NOP9: variants seen among roughly 807,000 people sequenced by gnomAD.
NOP9 encodes NOP9 nucleolar protein.
Under a neutral mutation model 63.0 loss-of-function variants are expected in NOP9, and 50 were observed. The observed-to-expected ratio is 0.79, with a 90% confidence interval of 0.63 to 1.00. The LOEUF (loss-of-function observed/expected upper bound fraction) is 1.00, where lower values mean the gene tolerates loss of function less well. Among genes scored for constraint, NOP9 ranks in the 50% least tolerant of loss-of-function variants. NOP9 has a pLI of 0.00. For synonymous variants in NOP9, 343 were observed against 332.8 expected (o/e 1.03, Z -0.33); for missense variants, 758 against 803.0 (o/e 0.94, Z 0.68).
chr14:24,303,269 T>C, intron 6 of NOP9, 55 bp downstream of exon 6: 1 of 1,606,956 alleles, frequency 6.2e-7, no homozygotes, highest in Non-Finnish European at 8.5e-7. Flanking sequence ...TTCTACCTTT[T>C]AGGACTTATC....
At chr14:24,303,346 G>GA in intron 6 of NOP9, 132 bp downstream of exon 6, 2 of 1,159,824 alleles carry the variant, frequency 1.7e-6, no homozygotes, top group Non-Finnish European at 1.3e-6. Flanking sequence ...AGGAATGGGG[G>GA]AAAATGAGGC....
upstream of NOP9, among the ~76,000 whole-genome samples, chr14:24,297,913 A>G (rs975474984): frequency 3.3e-5 from 5 of 152,086 alleles, no homozygotes; most frequent in African/African-American, 9.7e-5. Flanking sequence ...CCACTCTCCT[A>G]TGTCATCTGG....
chr14:24,278,411 G>T, the NOP9 span, among the ~76,000 whole-genome samples: 3 of 152,222 alleles, frequency 2.0e-5, no homozygotes, highest in Non-Finnish European at 4.4e-5. Context: ...CAACCTGGAG[G>T]GAGGTCCCTA....
chr14:24,298,421 C>A (rs1489113259), upstream of NOP9, among the ~76,000 whole-genome samples: 3 of 152,136 alleles, frequency 2.0e-5, no homozygotes, highest in Non-Finnish European at 4.4e-5. Flanking sequence ...TTTACCAATG[C>A]CTAGCAAATC....
At chr14:24,282,600 T>C in the NOP9 span, among the ~76,000 whole-genome samples, 1 of 152,208 alleles carries the variant, frequency 6.6e-6, no homozygotes, top group Non-Finnish European at 1.5e-5. Context: ...GCGTTTCTTC[T>C]GGAACTGCCT....
Position 24,305,054 on chromosome 14 carries a change from G to GCC in NOP9, c.1871_1872dup (p.Lys625ProfsTer7). 6.3e-7 allele frequency: 1 copy of GCC among 1,592,492 alleles called. No individual in the cohort carries two copies. Among genetic ancestry groups the GCC allele is most frequent in the Non-Finnish European group, 8.5e-7 (1 of 1,169,738 alleles). On this transcript the variant is annotated frameshift_variant, in exon 10 of 10. Coordinates refer to ENST00000267425, the MANE Select transcript of NOP9 (RefSeq NM_174913.3). LOFTEE classifies it high-confidence loss of function. ...TTGGGAACAGCAGCAGGGTGCGGTGGCCAAGCGGAGGCGGGCATTGAACTC... is the reference window on the plus strand; with the variant it reads ...TTGGGAACAGCAGCAGGGTGCGGTGGCCCCAAGCGGAGGCGGGCATTGAACTC...
At chr14:24,286,952 C>T in the NOP9 span, among the ~76,000 whole-genome samples, 1 of 151,812 alleles carries the variant, frequency 6.6e-6, no homozygotes, top group Non-Finnish European at 1.5e-5. Context: ...TGTAGTGGCG[C>T]AATCTCAGCT....
At chr14:24,277,017 T>G in the NOP9 span, among the ~76,000 whole-genome samples, 1 of 152,082 alleles carries the variant, frequency 6.6e-6, no homozygotes. Context: ...GAACCTAGAA[T>G]CCACATGAAT....
At position 24,303,739 on chromosome 14, in the gene NOP9, A is replaced by G; in HGVS notation, c.1292A>G (p.His431Arg). ...TTCTGTCTTCTCCTTTAGGCATTCC[A>G]CTGTGCAGAGCCCTCATCCCGGCAA... is the stretch of plus-strand genomic sequence containing the variant. ...KVLQLLLEAF[H>R]CAEPSSRQVA... The change falls in exon 7 of 10, where the codon CAC becomes CGC. Residue 431 changes from histidine to arginine, a missense_variant. Coordinates refer to ENST00000267425, the MANE Select transcript of NOP9 (RefSeq NM_174913.3). 6.2e-7 allele frequency: 1 copy of G among 1,613,958 alleles called. No homozygotes were observed. Among genetic ancestry groups the G allele is most frequent in the Non-Finnish European group, 8.5e-7 (1 of 1,179,874 alleles).
chr14:24,301,587 G>A (rs1338224488), intron 2 of NOP9, 25 bp from the exon 3 acceptor site: 1 of 1,613,722 alleles, frequency 6.2e-7, no homozygotes, highest in African/African-American at 1.3e-5. Context: ...TCTCCCCACT[G>A]CACATGTTCT....
At chr14:24,300,905 A>G (rs773853026) in intron 2 of NOP9, 48 bp downstream of exon 2, 2 of 1,470,178 alleles carry the variant, frequency 1.4e-6, no homozygotes, top group South Asian at 2.5e-5. Flanking sequence ...AAGAATTTAG[A>G]AAGTTCAGAA....
chr14:24,304,612 CCT>C lies in NOP9; in HGVS notation c.1753+19_1753+20del. The C allele has an allele frequency of 1.3e-6, 2 of 1,568,444 alleles. No homozygotes were observed. Among genetic ancestry groups the C allele is most frequent in the Non-Finnish European group, 1.7e-6 (2 of 1,152,508 alleles). On this transcript the variant is annotated intron_variant, in intron 9 of 9. Transcript: ENST00000267425. Reference sequence around the variant, plus strand: ...CTGCTGAGCTTGGTGAGTACCAGCCCCTCTCTTTGATGTTTCCAGACTCTCCC... The same window carrying C: ...CTGCTGAGCTTGGTGAGTACCAGCCCCTCTTTGATGTTTCCAGACTCTCCC...
At chr14:24,285,941 A>G in the NOP9 span, among the ~76,000 whole-genome samples, 1 of 152,114 alleles carries the variant, frequency 6.6e-6, no homozygotes, top group East Asian at 1.9e-4. Flanking sequence ...GTGAGCCAAG[A>G]TCATGCCACT....
the NOP9 span, among the ~76,000 whole-genome samples, chr14:24,284,180 C>T: frequency 2.6e-5 from 4 of 152,172 alleles, no homozygotes; most frequent in African/African-American, 4.8e-5. Context: ...CTGGATGAAA[C>T]GAGAGTTGTG....
Position 24,304,974 on chromosome 14 carries a change from G to A in NOP9, c.1790G>A (p.Gly597Asp). ...QNQELIRDPF[G>D]HHVARNVALT... Reference sequence around the variant, plus strand: ...CAGGAGCTGATAAGAGACCCTTTCGGCCACCATGTGGCTCGAAATGTGGCC... The same window carrying A: ...CAGGAGCTGATAAGAGACCCTTTCGACCACCATGTGGCTCGAAATGTGGCC... Residue 597 changes from glycine (G) to aspartate (D), a missense_variant, in exon 10 of 10, where the codon GGC becomes GAC. Physicochemically the swap from Gly to Asp is moderately conservative, Grantham distance 94. Transcript: ENST00000267425. The A allele has an allele frequency of 6.3e-7, 1 of 1,583,708 alleles. No individual in the cohort carries two copies. Among genetic ancestry groups the A allele is most frequent in the East Asian group, 2.3e-5 (1 of 43,902 alleles).
Position 24,302,056 on chromosome 14 carries a change from C to T in NOP9, c.900C>T (p.Cys300=). The T allele has an allele frequency of 6.2e-7, 1 of 1,614,076 alleles. No homozygotes were observed. The highest frequency in any genetic ancestry group is 8.5e-7 in the Non-Finnish European group (1 of 1,179,966). The change falls in exon 4 of 10, where the codon TGC becomes TGT. Residue 300 remains cysteine, a synonymous_variant. Coordinates refer to ENST00000267425, the MANE Select transcript of NOP9 (RefSeq NM_174913.3). ...RKLPQFCAHL[C]NAVIGYLSTR... is the part of the protein sequence containing the mutation. The stretch of plus-strand genomic sequence containing the variant: ...TTCCCCAGTTTTGCGCTCATCTCTG[C>T]AATGCTGTGATTGGCTACCTGAGTA...
At position 24,303,196 on chromosome 14, in the gene NOP9, C is replaced by A. The variant is rs761556378; in HGVS notation, c.1266C>A (p.Val422=). Reference sequence around the variant, plus strand: ...GAGTTGGGGCCTACCAAGCCAAGGTCCTACAGCTCTTGTTGGAGGTGAGTG... The same window carrying A: ...GAGTTGGGGCCTACCAAGCCAAGGTACTACAGCTCTTGTTGGAGGTGAGTG... The part of the protein sequence containing the change: ...CRRVGAYQAK[V]LQLLLEAFHC... Residue 422 remains valine (V), a synonymous_variant, in exon 6 of 10, where the codon GTC becomes GTA. Coordinates refer to ENST00000267425, the MANE Select transcript of NOP9 (RefSeq NM_174913.3). 1.2e-6 allele frequency: 2 copies of A among 1,614,098 alleles called. No homozygotes were observed. Among genetic ancestry groups the A allele is most frequent in the Admixed American group, 1.7e-5 (1 of 60,020 alleles).
the NOP9 span, chr14:24,291,741 A>G: frequency 8.9e-7 from 1 of 1,124,130 alleles, no homozygotes; most frequent in Non-Finnish European, 1.3e-6. Context: ...GAGGCCAAAG[A>G]CCTCAAGCAG....
chr14:24,292,630 T>A, the NOP9 span: 8 of 1,614,036 alleles, frequency 5.0e-6, no homozygotes, highest in African/African-American at 8.0e-5. Flanking sequence ...CCTCCTCAGC[T>A]CCTATGCCAC....
Sources: gnomAD v4.1 joint callset for allele counts (sites outside exome capture counted in the v4.1 genomes callset) on GRCh38, gnomAD v4.1.1 for gene constraint, MANE v1.5 for transcripts, NCBI Gene and HGNC (gene_info 2026-07-23, HGNC 2026-07-21) for gene names.